The following AK5 variants were observed in gnomAD, a reference collection of about 807,000 sequenced individuals.
AK5 encodes adenylate kinase isoenzyme 5.
A neutral mutation model predicts 69.5 loss-of-function variants in AK5; 27 were observed. The ratio of observed to expected loss-of-function variants is 0.39; its 90% confidence interval spans 0.29 to 0.54. The LOEUF (loss-of-function observed/expected upper bound fraction) is 0.54. AK5 is among the 20% of genes least tolerant of loss of function. AK5 has a pLI of 0.71. For missense variants in AK5, 531 were observed against 700.4 expected (o/e 0.76, Z 2.73); for synonymous variants, 260 against 244.4 (o/e 1.06, Z -0.60).
intron 5 of AK5, among the ~76,000 whole-genome samples, chr1:77,304,660 C>T (rs547817746): frequency 6.8e-4 from 104 of 152,302 alleles, no homozygotes; most frequent in Admixed American, 6.1e-3. Flanking sequence ...CCGCCTCTGC[C>T]TCCCAAAGTG....
intron 8 of AK5, among the ~76,000 whole-genome samples, chr1:77,463,777 A>T (rs1301170659): frequency 6.6e-6 from 1 of 152,094 alleles, no homozygotes; most frequent in Non-Finnish European, 1.5e-5. Flanking sequence ...AGCATCTACC[A>T]ACTGGTACAG....
chr1:77,382,280 A>C (rs1220453234), intron 6 of AK5, among the ~76,000 whole-genome samples: 1 of 149,392 alleles, frequency 6.7e-6, no homozygotes, highest in Non-Finnish European at 1.5e-5. Context: ...CTCAAAATGC[A>C]AAACTGGAGC....
intron 8 of AK5, 60 bp from the exon 9 acceptor site, chr1:77,483,257 C>G: frequency 7.7e-7 from 1 of 1,303,192 alleles, no homozygotes; most frequent in Non-Finnish European, 1.1e-6. Flanking sequence ...CCAGTGTTGC[C>G]AAGGAGTTCA....
At chr1:77,289,731 A>G (rs1423190882) in intron 2 of AK5, among the ~76,000 whole-genome samples, 3 of 152,082 alleles carry the variant, frequency 2.0e-5, no homozygotes, top group South Asian at 2.1e-4. Flanking sequence ...AAAACAGTCA[A>G]GTACACCTGT....
At position 77,494,373 on chromosome 1, in the gene AK5, T is replaced by C. The variant is rs1444237747; in HGVS notation, c.1147+8021T>C. Among the ~76,000 whole-genome samples, 3 of 152,134 alleles carry C rather than the reference T, an allele frequency of 2.0e-5. No homozygotes were observed. The South Asian group carries it at 6.2e-4, about 32-fold the overall frequency. ...ACTCACTGAGAGCCTCTTTTGCTTG[T>C]TTAGAGAGCCACTCTGAATGATCAG... On this transcript the variant is annotated intron_variant, in intron 10 of 13. Transcript: ENST00000354567.
intron 13 of AK5, among the ~76,000 whole-genome samples, chr1:77,556,848 A>T (rs571000930): frequency 6.6e-6 from 1 of 152,150 alleles, no homozygotes; most frequent in Admixed American, 6.5e-5. Context: ...TTTGTTAAAT[A>T]TACAGATTAA....
At chr1:77,282,903 C>G (rs983953305) in intron 1 of AK5, 19 of 985,978 alleles carry the variant, frequency 1.9e-5, no homozygotes, top group Non-Finnish European at 2.3e-5. Context: ...CCCAACCTAT[C>G]AAGTGCCACC....
At position 77,518,560 on chromosome 1, in the gene AK5, C is replaced by A; in HGVS notation, c.1148-4C>A. The A allele has an allele frequency of 6.2e-7, 1 of 1,613,254 alleles. No homozygotes were observed. Among genetic ancestry groups the A allele is most frequent in the Non-Finnish European group, 8.5e-7 (1 of 1,179,580 alleles). ...GCATGTCTGACACATGACTTCTTTT[C>A]AAGGTGGTCCTGGCTCTGGCAAAGG... On this transcript the variant is annotated splice_polypyrimidine_tract_variant and splice_region_variant and intron_variant, in intron 10 of 13. Transcript: ENST00000354567.
At position 77,539,195 on chromosome 1, in the gene AK5, G is replaced by A. The variant is rs186645872; in HGVS notation, c.1620+3157G>A. On this transcript the variant is annotated intron_variant, in intron 13 of 13. Coordinates refer to ENST00000354567, the MANE Select transcript of AK5 (RefSeq NM_174858.3). The stretch of plus-strand genomic sequence containing the variant: ...TTTCATTTAGCACGGATGACTCCAC[G>A]TTGGTTCGGCCTGTTGGGCCCAGAA... 3.9e-3 allele frequency among the ~76,000 whole-genome samples: 598 copies of A among 152,308 alleles called. 10 individuals carry two copies. Among genetic ancestry groups the A allele is most frequent in the South Asian group, 0.033 (158 of 4,828 alleles).
intron 6 of AK5, among the ~76,000 whole-genome samples, chr1:77,348,484 A>G (rs1193030051): frequency 2.0e-5 from 3 of 151,562 alleles, no homozygotes; most frequent in Non-Finnish European, 4.4e-5. Flanking sequence ...TGTTGTGCAC[A>G]TGTACCCTAA....
intron 5 of AK5, among the ~76,000 whole-genome samples, chr1:77,317,634 C>T (rs541276255): frequency 1.9e-4 from 29 of 152,304 alleles, no homozygotes; most frequent in Non-Finnish European, 3.2e-4. Flanking sequence ...TAACTACCTT[C>T]CCTGTCCTCA....
At chr1:77,472,584 G>A (rs1036456531) in intron 8 of AK5, among the ~76,000 whole-genome samples, 1 of 149,294 alleles carries the variant, frequency 6.7e-6, no homozygotes, top group African/African-American at 2.4e-5. Flanking sequence ...TGCAAGAAAA[G>A]AAGAGGAGGG....
At chr1:77,470,860 TATATATATATATATA>T (rs1424635869) in intron 8 of AK5, among the ~76,000 whole-genome samples, 385 of 3,382 alleles carry the variant, frequency 0.11, 37 homozygotes, top group Non-Finnish European at 0.16. Flanking sequence ...TATATATATA[TATATATATATATATA>T]TTTTTTTTTT....
At chr1:77,505,617 G>A (rs901144816) in intron 10 of AK5, among the ~76,000 whole-genome samples, 2 of 151,986 alleles carry the variant, frequency 1.3e-5, no homozygotes, top group East Asian at 1.9e-4. Flanking sequence ...CTGTAATCCC[G>A]GCACTTTGAG....
intron 8 of AK5, among the ~76,000 whole-genome samples, chr1:77,480,152 G>A (rs67933850): frequency 7.9e-6 from 1 of 125,892 alleles, no homozygotes. Flanking sequence ...GTGTGTGTGT[G>A]TGTGTAAGAT....
At chr1:77,380,120 G>A (rs149847494) in intron 6 of AK5, among the ~76,000 whole-genome samples, 1 of 152,312 alleles carries the variant, frequency 6.6e-6, no homozygotes, top group East Asian at 1.9e-4. Context: ...AGACACGAGA[G>A]TGCAATTTCT....
chr1:77,338,296 G>A (rs1661475568), intron 5 of AK5, among the ~76,000 whole-genome samples: 1 of 152,128 alleles, frequency 6.6e-6, no homozygotes, highest in Admixed American at 6.5e-5. Flanking sequence ...AAATCAATAG[G>A]CAACAGTGAT....
intron 5 of AK5, among the ~76,000 whole-genome samples, chr1:77,309,640 C>T (rs543128124): frequency 6.6e-6 from 1 of 152,098 alleles, no homozygotes; most frequent in South Asian, 2.1e-4. Context: ...CAGTACTTAC[C>T]TTTTTATTTT....
At chr1:77,306,494 GTTT>G (rs869202567) in intron 5 of AK5, among the ~76,000 whole-genome samples, 3,657 of 120,380 alleles carry the variant, frequency 0.03, 128 homozygotes, top group African/African-American at 0.098. Context: ...GTTTTTTTTT[GTTT>G]TTTTTTTTTT....
Sources: gnomAD v4.1 joint callset for allele counts (sites outside exome capture counted in the v4.1 genomes callset) on GRCh38, gnomAD v4.1.1 for gene constraint, MANE v1.5 for transcripts, NCBI Gene and HGNC (gene_info 2026-07-23, HGNC 2026-07-21) for gene names.